Variants in CRTAC1 observed in about 807,000 individuals in gnomAD.
CRTAC1 encodes acidic secreted protein in cartilage.
In CRTAC1, 37 loss-of-function variants were observed where a neutral mutation model predicts 67.8. That is an observed-to-expected ratio of 0.55 (90% CI 0.42 to 0.72). The LOEUF (loss-of-function observed/expected upper bound fraction) is 0.72, where lower values mean the gene tolerates loss of function less well. CRTAC1 is among the 30% of genes least tolerant of loss of function. CRTAC1 has a pLI of 0.00. For missense variants in CRTAC1, 780 were observed against 931.6 expected, an observed-to-expected ratio of 0.84 and a Z score of 2.12; for synonymous variants, 348 against 371.0, an observed-to-expected ratio of 0.94 and a Z score of 0.71.
At chr10:98,003,949 G>A (rs979391290) in intron 2 of CRTAC1, among the ~76,000 whole-genome samples, 15 of 152,202 alleles carry the variant, frequency 9.9e-5, no homozygotes, top group African/African-American at 3.1e-4. Context: ...GTACGGATGC[G>A]GCAATGGGAC....
chr10:98,001,713 C>T (rs1478058780), intron 2 of CRTAC1, among the ~76,000 whole-genome samples: 1 of 152,204 alleles, frequency 6.6e-6, no homozygotes, highest in Non-Finnish European at 1.5e-5. Flanking sequence ...TAGGGGAGAG[C>T]ATGGTACAAA....
intron 2 of CRTAC1, among the ~76,000 whole-genome samples, chr10:97,992,327 G>A (rs1842477921): frequency 6.6e-6 from 1 of 152,158 alleles, no homozygotes; most frequent in Admixed American, 6.5e-5. Flanking sequence ...TGGACAACAG[G>A]TTACTGATGG....
chr10:97,965,878 C>G (rs933889739), intron 2 of CRTAC1, among the ~76,000 whole-genome samples: 2 of 152,170 alleles, frequency 1.3e-5, no homozygotes, highest in Admixed American at 1.3e-4. Context: ...GTGAGAGAAG[C>G]TGAAAGCAGG....
chr10:97,915,604 T>A (rs1172428366), intron 5 of CRTAC1, among the ~76,000 whole-genome samples: 1 of 151,746 alleles, frequency 6.6e-6, no homozygotes, highest in Non-Finnish European at 1.5e-5. Flanking sequence ...GCCCTTACAT[T>A]TGGGGTCCAT....
chr10:97,930,806 G>A (rs1447284692), intron 3 of CRTAC1, among the ~76,000 whole-genome samples: 2 of 151,966 alleles, frequency 1.3e-5, no homozygotes, highest in Non-Finnish European at 2.9e-5. Flanking sequence ...AGTTACAAGA[G>A]CCTCTGCTGA....
intron 7 of CRTAC1, among the ~76,000 whole-genome samples, chr10:97,902,576 A>G (rs998949930): frequency 6.6e-6 from 1 of 152,146 alleles, no homozygotes; most frequent in South Asian, 2.1e-4. Context: ...CTGAAATAGA[A>G]GGAGAGCTGG....
At chr10:97,978,386 C>A (rs1160420684) in intron 2 of CRTAC1, among the ~76,000 whole-genome samples, 1 of 152,116 alleles carries the variant, frequency 6.6e-6, no homozygotes, top group African/African-American at 2.4e-5. Flanking sequence ...TTTTTTCATA[C>A]AAAGAATGGG....
At position 97,895,848 on chromosome 10, in the gene CRTAC1, A is replaced by G; in HGVS notation, c.1317+37T>C. ...CAACTCAAGGTACCCGAGAGCACAC[A>G]GGGCTGGGATCTGTGGCTCCTGAGG... On this transcript the variant is annotated intron_variant, in intron 10 of 14. Coordinates refer to ENST00000370597, the MANE Select transcript of CRTAC1 (RefSeq NM_018058.7). This position sits in a 1 kb window ranked among gnomAD's most constrained non-coding sequence, Gnocchi z 4.2. 2.6e-6 allele frequency: 4 copies of G among 1,557,056 alleles called. No individual in the cohort carries two copies. The highest frequency in any genetic ancestry group is 3.5e-6 in the Non-Finnish European group (4 of 1,130,066).
intron 14 of CRTAC1, among the ~76,000 whole-genome samples, chr10:97,878,165 G>A (rs1204960618): frequency 6.6e-6 from 1 of 152,196 alleles, no homozygotes; most frequent in Non-Finnish European, 1.5e-5. Flanking sequence ...GGAGCAGTGG[G>A]CTCCATGACC....
chr10:97,910,905 G>T (rs189097175), intron 5 of CRTAC1, among the ~76,000 whole-genome samples: 1 of 152,196 alleles, frequency 6.6e-6, no homozygotes, highest in African/African-American at 2.4e-5. Flanking sequence ...AGCCCAAGCC[G>T]CATGAAAATG....
chr10:97,893,636 C>T (rs2050409832), intron 11 of CRTAC1, among the ~76,000 whole-genome samples: 1 of 152,126 alleles, frequency 6.6e-6, no homozygotes, highest in South Asian at 2.1e-4. Flanking sequence ...CCTCTGCGCC[C>T]TTCACCCAGT....
chr10:97,868,743 T>C (rs1044751933), intron 14 of CRTAC1: 10 of 152,154 alleles, frequency 6.6e-5, no homozygotes, highest in African/African-American at 2.4e-4. Flanking sequence ...TCAGCTCTTC[T>C]AGAGATGAGG....
intron 2 of CRTAC1, among the ~76,000 whole-genome samples, chr10:97,942,710 TC>T (rs1455822701): frequency 1.3e-5 from 2 of 151,946 alleles, no homozygotes; most frequent in African/African-American, 4.8e-5. Flanking sequence ...AAATATGCTA[TC>T]TGTTTGAAAA....
At chr10:97,885,660 G>T (rs370861154) in intron 11 of CRTAC1, among the ~76,000 whole-genome samples, 1 of 152,206 alleles carries the variant, frequency 6.6e-6, no homozygotes, top group Non-Finnish European at 1.5e-5. Context: ...GGAGGCGGGG[G>T]CTGGGCCTCA....
At chr10:98,005,100 A>ATATATATATATATTT in intron 2 of CRTAC1, among the ~76,000 whole-genome samples, 1 of 48,884 alleles carries the variant, frequency 2.0e-5, no homozygotes, top group African/African-American at 1.2e-4. Flanking sequence ...ATATATATAT[A>ATATATATATATATTT]TTTTTTTTTT....
intron 3 of CRTAC1, among the ~76,000 whole-genome samples, chr10:97,925,294 T>C (rs1211195996): frequency 6.6e-6 from 1 of 152,024 alleles, no homozygotes; most frequent in Non-Finnish European, 1.5e-5. Flanking sequence ...GGTATGAGTA[T>C]GTGAAAGCAA....
chr10:97,979,316 A>G (rs1397192854), intron 2 of CRTAC1, among the ~76,000 whole-genome samples: 1 of 152,056 alleles, frequency 6.6e-6, no homozygotes, highest in Non-Finnish European at 1.5e-5. Flanking sequence ...GGGTCGTGCA[A>G]TCTGTTCCAA....
chr10:97,881,377 C>T (rs1043616893), intron 13 of CRTAC1, among the ~76,000 whole-genome samples: 2 of 152,164 alleles, frequency 1.3e-5, no homozygotes, highest in African/African-American at 4.8e-5. Context: ...TCAGAGTCTT[C>T]CCCCCGAGGC....
At chr10:97,884,555 C>G (rs2050255840) in intron 11 of CRTAC1, 1 of 592,552 alleles carries the variant, frequency 1.7e-6, no homozygotes, top group Non-Finnish European at 3.0e-6. Context: ...TCTGCAAGGA[C>G]AGAAATGTCC....
Sources: gnomAD v4.1 joint callset for allele counts (sites outside exome capture counted in the v4.1 genomes callset) on GRCh38, gnomAD v4.1.1 for gene constraint, Gnocchi (gnomAD v3.1) non-coding constraint, MANE v1.5 for transcripts, NCBI Gene and HGNC (gene_info 2026-07-23, HGNC 2026-07-21) for gene names.